Variants in LRRC4C observed in about 807,000 individuals in gnomAD.
LRRC4C encodes the protein leucine rich repeat containing 4C.
In LRRC4C, 5 loss-of-function variants were observed where a neutral mutation model predicts 33.6. That is an observed-to-expected ratio of 0.15 (90% CI 0.08 to 0.31). LRRC4C has a LOEUF of 0.31. Among genes scored for constraint, LRRC4C ranks in the 10% least tolerant of loss-of-function variants. The pLI, the probability that LRRC4C is intolerant of heterozygous loss-of-function variation, is 1.00. For synonymous variants in LRRC4C, 329 were observed against 302.0 expected (o/e 1.09, Z -0.93); for missense variants, 560 against 796.7 (o/e 0.70, Z 3.58).
At chr11:40,285,775 T>C (rs1565230616) in intron 4 of LRRC4C, among the ~76,000 whole-genome samples, 1 of 152,078 alleles carries the variant, frequency 6.6e-6, no homozygotes, top group Non-Finnish European at 1.5e-5. Context: ...TCAGATTGAG[T>C]ACCTGGTTAC....
At chr11:40,545,328 T>C (rs995631554) in intron 3 of LRRC4C, among the ~76,000 whole-genome samples, 24 of 152,150 alleles carry the variant, frequency 1.6e-4, no homozygotes, top group African/African-American at 5.8e-4. Context: ...AATGAACCGA[T>C]TAGAATAATA....
chr11:41,236,178 A>G (rs573152554), intron 1 of LRRC4C, among the ~76,000 whole-genome samples: 1 of 152,196 alleles, frequency 6.6e-6, no homozygotes, highest in South Asian at 2.1e-4. Context: ...TTCACCTTCC[A>G]TCTAGTGACT....
intron 2 of LRRC4C, among the ~76,000 whole-genome samples, chr11:40,847,026 G>T (rs562347627): frequency 6.6e-6 from 1 of 152,256 alleles, no homozygotes; most frequent in African/African-American, 2.4e-5. Flanking sequence ...TGCTGAAGTT[G>T]CTTATCGGCT....
At chr11:40,664,931 G>A (rs10837467) in intron 2 of LRRC4C, among the ~76,000 whole-genome samples, 1 of 118,526 alleles carries the variant, frequency 8.4e-6, no homozygotes, top group Admixed American at 8.8e-5. Flanking sequence ...CCCCTCCCCC[G>A]ACCCCACAAC....
intron 1 of LRRC4C, chr11:41,122,903 A>T (rs1488828829): frequency 2.0e-5 from 3 of 152,098 alleles, no homozygotes. Context: ...ATTGTATTTT[A>T]TATACATATA....
intron 1 of LRRC4C, among the ~76,000 whole-genome samples, chr11:41,399,030 A>C (rs1453152289): frequency 1.3e-5 from 2 of 151,966 alleles, no homozygotes; most frequent in African/African-American, 4.8e-5. Flanking sequence ...AATAAGATTT[A>C]CAATACACAA....
chr11:40,313,354 T>C (rs1458736762), intron 4 of LRRC4C, among the ~76,000 whole-genome samples: 2 of 151,824 alleles, frequency 1.3e-5, no homozygotes, highest in Non-Finnish European at 2.9e-5. Context: ...GTGAACAGAA[T>C]AGAGAACCCA....
intron 1 of LRRC4C, among the ~76,000 whole-genome samples, chr11:41,071,550 T>C (rs1230176105): frequency 2.6e-5 from 4 of 152,330 alleles, no homozygotes; most frequent in African/African-American, 4.8e-5. Flanking sequence ...CTGAATACTT[T>C]AATCCCACTG....
intron 2 of LRRC4C, among the ~76,000 whole-genome samples, chr11:40,665,325 AATATATATATATATATAT>A (rs1160594156): frequency 7.4e-5 from 1 of 13,452 alleles, no homozygotes; most frequent in Non-Finnish European, 1.4e-4. Context: ...AAAAAAAAAA[AATATATATATATATATAT>A]ATATATATAT....
At chr11:40,410,446 C>A (rs1282685240) in intron 3 of LRRC4C, among the ~76,000 whole-genome samples, 2 of 152,094 alleles carry the variant, frequency 1.3e-5, no homozygotes, top group Non-Finnish European at 2.9e-5. Flanking sequence ...TGCTCAAAGA[C>A]CACCTGTAGC....
At chr11:40,174,642 G>T (rs1462613489) in intron 5 of LRRC4C, among the ~76,000 whole-genome samples, 1 of 152,122 alleles carries the variant, frequency 6.6e-6, no homozygotes, top group Non-Finnish European at 1.5e-5. Context: ...TGTTTGTTTG[G>T]TTTTTTAACA....
chr11:40,972,459 A>G (rs560411602), intron 1 of LRRC4C, among the ~76,000 whole-genome samples: 6 of 152,128 alleles, frequency 3.9e-5, no homozygotes, highest in Non-Finnish European at 8.8e-5. Flanking sequence ...TGTGAGAAGG[A>G]CATGAGATTT....
intron 1 of LRRC4C, among the ~76,000 whole-genome samples, chr11:41,112,480 T>A (rs1941891156): frequency 6.6e-6 from 1 of 152,092 alleles, no homozygotes; most frequent in Non-Finnish European, 1.5e-5. Flanking sequence ...TCTCTTTCTC[T>A]GTCAATCTTA....
chr11:40,653,803 C>T (rs1397070581), intron 2 of LRRC4C, among the ~76,000 whole-genome samples: 2 of 152,202 alleles, frequency 1.3e-5, no homozygotes, highest in Admixed American at 6.5e-5. Context: ...TGTCAGAGGT[C>T]TTCATGGCAG....
At chr11:40,778,143 T>C (rs1324081740) in intron 2 of LRRC4C, among the ~76,000 whole-genome samples, 1 of 152,228 alleles carries the variant, frequency 6.6e-6, no homozygotes, top group African/African-American at 2.4e-5. Flanking sequence ...TATAGTTGTT[T>C]TATATGGTCT....
At chr11:41,203,404 T>A (rs969036956) in intron 1 of LRRC4C, among the ~76,000 whole-genome samples, 1 of 152,244 alleles carries the variant, frequency 6.6e-6, no homozygotes, top group Non-Finnish European at 1.5e-5. Flanking sequence ...TGTAGAATTA[T>A]AATTATAAGC....
intron 4 of LRRC4C, among the ~76,000 whole-genome samples, chr11:40,253,619 C>T (rs1378120055): frequency 6.6e-6 from 1 of 152,140 alleles, no homozygotes; most frequent in Middle Eastern, 3.2e-3. Context: ...ACATGATTTG[C>T]TCTTAGTAAA....
At chr11:40,580,588 G>A (rs1054224802) in intron 3 of LRRC4C, among the ~76,000 whole-genome samples, 1 of 152,086 alleles carries the variant, frequency 6.6e-6, no homozygotes, top group Non-Finnish European at 1.5e-5. Context: ...CCCAAAATAA[G>A]TAAATAAATG....
At chr11:40,846,335 C>T (rs1953170150) in intron 2 of LRRC4C, among the ~76,000 whole-genome samples, 1 of 151,970 alleles carries the variant, frequency 6.6e-6, no homozygotes, top group Non-Finnish European at 1.5e-5. Context: ...GTCTTTAATC[C>T]ATCTTAAGTT....
Sources: gnomAD v4.1 joint callset for allele counts (sites outside exome capture counted in the v4.1 genomes callset) on GRCh38, gnomAD v4.1.1 for gene constraint, MANE v1.5 for transcripts, NCBI Gene and HGNC (gene_info 2026-07-23, HGNC 2026-07-21) for gene names.